The following FRMD4B variants were observed in gnomAD, a reference collection of about 807,000 sequenced individuals.
FRMD4B encodes the protein FERM domain-containing protein 4B.
FRMD4B carries 74 observed loss-of-function variants against 141.5 expected under a neutral mutation model. That is an observed-to-expected ratio of 0.52 (90% CI 0.43 to 0.63). The LOEUF (loss-of-function observed/expected upper bound fraction) is 0.63, where lower values mean the gene tolerates loss of function less well. Among genes scored for constraint, FRMD4B ranks in the 30% least tolerant of loss-of-function variants. The pLI is 0.00. For missense variants in FRMD4B, 1,366 were observed against 1,253.4 expected (o/e 1.09, Z -1.36); for synonymous variants, 506 against 467.9 (o/e 1.08, Z -1.05).
intron 22 of FRMD4B, among the ~76,000 whole-genome samples, chr3:69,173,614 T>C (rs1317942261): frequency 5.9e-5 from 9 of 152,352 alleles, no homozygotes; most frequent in Middle Eastern, 3.4e-3. Context: ...GCCCTGTTAA[T>C]AGGTTAAATT....
chr3:69,389,266 C>T (rs1575783612), upstream of FRMD4B, among the ~76,000 whole-genome samples: 1 of 152,066 alleles, frequency 6.6e-6, no homozygotes, highest in African/African-American at 2.4e-5. Context: ...CTCCTGAACT[C>T]GTGATCCTCC....
At chr3:69,266,791 T>C (rs1575673770) in intron 5 of FRMD4B, among the ~76,000 whole-genome samples, 1 of 152,190 alleles carries the variant, frequency 6.6e-6, no homozygotes, top group Middle Eastern at 3.2e-3. Context: ...GCCAAGATCA[T>C]TGGGTCAAAG....
At chr3:69,467,208 G>C (rs1469467074) in intron 1 of FRMD4B, among the ~76,000 whole-genome samples, 1 of 152,136 alleles carries the variant, frequency 6.6e-6, no homozygotes, top group African/African-American at 2.4e-5. Context: ...AATTTGACAT[G>C]TCACTTTGGT....
chr3:69,223,343 T>C (rs1297209302), intron 8 of FRMD4B, among the ~76,000 whole-genome samples: 2 of 151,666 alleles, frequency 1.3e-5, no homozygotes, highest in East Asian at 3.9e-4. Flanking sequence ...GTGAAACACC[T>C]TCTCTACTGA....
chr3:69,399,077 T>C (rs769569927), intron 2 of FRMD4B, among the ~76,000 whole-genome samples: 1 of 152,210 alleles, frequency 6.6e-6, no homozygotes, highest in Non-Finnish European at 1.5e-5. Context: ...AAATAAATCT[T>C]AAGGGAAGAA....
At chr3:69,454,727 T>A (rs890457537) in intron 1 of FRMD4B, among the ~76,000 whole-genome samples, 2 of 152,202 alleles carry the variant, frequency 1.3e-5, no homozygotes, top group African/African-American at 4.8e-5. Flanking sequence ...CAGTGGGCTC[T>A]GGTGCAGCCA....
rs1173038429 is a variant in FRMD4B, at chr3:69,263,553, T to G, written c.502-13454A>C. On this transcript the variant is annotated intron_variant, in intron 5 of 22. Transcript: ENST00000398540. ...TTCCAAATAGCTGGGACTAAAGGTGTGTGCCACCATGCCTGGCTAATTTTC... is the reference window on the plus strand; with the variant it reads ...TTCCAAATAGCTGGGACTAAAGGTGGGTGCCACCATGCCTGGCTAATTTTC... Among the ~76,000 whole-genome samples the G allele has an allele frequency of 2.0e-5, 3 of 151,558 alleles. No individual in the cohort carries two copies. The East Asian group carries it at 5.9e-4, about 30-fold the overall frequency.
intron 1 of FRMD4B, among the ~76,000 whole-genome samples, chr3:69,364,878 A>T (rs1703593408): frequency 6.7e-6 from 1 of 148,746 alleles, no homozygotes; most frequent in African/African-American, 2.6e-5. Flanking sequence ...TTTTTTAAAA[A>T]AATAAATAAA....
At chr3:69,452,610 C>T (rs1219808904) in intron 1 of FRMD4B, among the ~76,000 whole-genome samples, 1 of 152,162 alleles carries the variant, frequency 6.6e-6, no homozygotes, top group Non-Finnish European at 1.5e-5. Context: ...CACATTGGAT[C>T]TCTAATAGAA....
chr3:69,389,773 G>T (rs1421637748), upstream of FRMD4B, among the ~76,000 whole-genome samples: 1 of 152,096 alleles, frequency 6.6e-6, no homozygotes, highest in Non-Finnish European at 1.5e-5. Context: ...CCCAAGTATG[G>T]CATCATCCTT....
chr3:69,207,571 A>G (rs1427728158), intron 11 of FRMD4B, among the ~76,000 whole-genome samples: 1 of 152,126 alleles, frequency 6.6e-6, no homozygotes, highest in African/African-American at 2.4e-5. Context: ...GCACTTTGGG[A>G]GGCCGAGGCG....
Position 69,168,930 on chromosome 3 carries a change from A to G in FRMD4B, c.*2931T>C, listed in dbSNP as rs113755335. On this transcript the variant is annotated 3_prime_UTR_variant, in exon 23 of 23. Coordinates refer to ENST00000398540, the MANE Select transcript of FRMD4B (RefSeq NM_015123.3). ...TTTAAAAATCCACCTTGTTAAACAT[A>G]TATCTTTATGAGGTAGATCAGTATG... Among the ~76,000 whole-genome samples the G allele has an allele frequency of 0.012, 1,852 of 152,320 alleles. 31 individuals carry two copies. The highest frequency in any genetic ancestry group is 0.014 in the Non-Finnish European group (934 of 68,020).
chr3:69,292,079 TTAGA>T (rs1291869285), intron 4 of FRMD4B, among the ~76,000 whole-genome samples: 2 of 152,160 alleles, frequency 1.3e-5, no homozygotes, highest in African/African-American at 4.8e-5. Context: ...CTGAGGTCTG[TTAGA>T]CTTCTAAGTT....
chr3:69,406,286 G>GA (rs1468923672), intron 2 of FRMD4B, among the ~76,000 whole-genome samples: 1 of 152,156 alleles, frequency 6.6e-6, no homozygotes, highest in Non-Finnish European at 1.5e-5. Context: ...ATGGCTCTTG[G>GA]AAAACCTCAT....
At chr3:69,442,642 T>G (rs1004018298) in intron 1 of FRMD4B, among the ~76,000 whole-genome samples, 1 of 152,104 alleles carries the variant, frequency 6.6e-6, no homozygotes, top group Non-Finnish European at 1.5e-5. Flanking sequence ...TGATGCAGCC[T>G]CCCAAATACT....
intron 5 of FRMD4B, among the ~76,000 whole-genome samples, chr3:69,264,030 C>G (rs2093545501): frequency 6.6e-6 from 1 of 151,754 alleles, no homozygotes; most frequent in Non-Finnish European, 1.5e-5. Context: ...GCCATGTTGG[C>G]CAGGCTGGTC....
chr3:69,518,026 C>T (rs113630992), intron 1 of FRMD4B, among the ~76,000 whole-genome samples: 1,637 of 152,216 alleles, frequency 0.011, 29 homozygotes, highest in African/African-American at 0.035. Flanking sequence ...CTGGTTTAGA[C>T]GTCATACTTT....
chr3:69,520,905 T>A (rs1329030238), intron 1 of FRMD4B, among the ~76,000 whole-genome samples: 2 of 152,174 alleles, frequency 1.3e-5, no homozygotes, highest in Non-Finnish European at 2.9e-5. Context: ...TACTTGAAAA[T>A]GCATATGGGC....
Position 69,386,009 on chromosome 3 carries a change from A to G in FRMD4B, c.-20T>C. ...AGCCATGCCTCCTCCTTCGCTCTGA[A>G]CCCGGGCGTCCCGGCTCTCGTACGT... On this transcript the variant is annotated 5_prime_UTR_variant, in exon 1 of 23. Transcript: ENST00000398540. The G allele has an allele frequency of 6.5e-7, 1 of 1,549,332 alleles. No homozygotes were observed. Among genetic ancestry groups the G allele is most frequent in the Non-Finnish European group, 8.8e-7 (1 of 1,141,252 alleles).
Sources: gnomAD v4.1 joint callset for allele counts (sites outside exome capture counted in the v4.1 genomes callset) on GRCh38, gnomAD v4.1.1 for gene constraint, MANE v1.5 for transcripts, NCBI Gene and HGNC (gene_info 2026-07-23, HGNC 2026-07-21) for gene names.